FGF13: variants seen among roughly 807,000 people sequenced by gnomAD.
FGF13 encodes the protein fibroblast growth factor 13, also known as fibroblast growth factor homologous factor 2.
A neutral mutation model predicts 19.5 loss-of-function variants in FGF13; 2 were observed. The observed-to-expected ratio is 0.10, with a 90% CI of 0.04 to 0.32. The LOEUF is 0.32. Ranked by LOEUF, FGF13 falls within the 10% of genes least tolerant of loss-of-function variation. The pLI, the probability that FGF13 is intolerant of heterozygous loss-of-function variation, is 1.00. For missense variants in FGF13, 113 were observed against 192.7 expected (o/e 0.59, Z 2.45); for synonymous variants, 72 against 76.9 (o/e 0.94, Z 0.33).
intron 3 of FGF13, among the ~76,000 whole-genome samples, chrX:138,647,094 C>T (rs922064260): frequency 9.1e-6 from 1 of 109,783 alleles, no homozygotes; most frequent in Admixed American, 9.8e-5. Flanking sequence ...GGGTGAAATC[C>T]GATAGGCTGC....
Position 138,984,523 on chromosome X carries a change from G to GAACAAGAAGAAGAAGAAGAA in FGF13, c.-112-119874_-112-119873insTTCTTCTTCTTCTTCTTGTT, listed in dbSNP as rs2091979498. Reference sequence around the variant, plus strand: ...AAGGAGAAGAAGAGGAAGAAGAAGAGGAAGAAGAAGAAGAAGAAGAAGAAG... The same window carrying GAACAAGAAGAAGAAGAAGAA: ...AAGGAGAAGAAGAGGAAGAAGAAGAGAACAAGAAGAAGAAGAAGAAGAAGAAGAAGAAGAAGAAGAAGAAG... On this transcript the variant is annotated intron_variant, in intron 1 of 2. Coordinates refer to the FGF13 transcript ENST00000421460. 1.7e-3 allele frequency among the ~76,000 whole-genome samples: 53 copies of GAACAAGAAGAAGAAGAAGAA among 31,590 alleles called. 12 individuals carry two copies. The highest frequency in any genetic ancestry group is 2.3e-3 in the Non-Finnish European group (41 of 18,152). The allele number at this position is 31,590 out of a possible 115,157, so 27.4% of individuals were successfully genotyped here.
chrX:139,176,502 T>C (rs2084186678), intron 1 of FGF13, among the ~76,000 whole-genome samples: 1 of 110,354 alleles, frequency 9.1e-6, no homozygotes, highest in Non-Finnish European at 1.9e-5. Context: ...CTTTTAATTG[T>C]AATGTTAGGG....
At position 138,618,554 on chromosome X, in the gene FGF13, C is replaced by G. The variant is rs1236852184; in HGVS notation, c.*14296G>C. 1 of 111,791 alleles carries G rather than the reference C, an allele frequency of 8.9e-6. No individual in the cohort carries two copies. The highest frequency in any genetic ancestry group is 1.9e-5 in the Non-Finnish European group (1 of 53,240). The allele number at this position is 111,791 out of a possible 1,213,427, so 9.2% of individuals were successfully genotyped here. A position where few individuals can be genotyped will look rare whatever the true frequency, so the allele number is the denominator to read the frequency against. On this transcript the variant is annotated 3_prime_UTR_variant, in exon 5 of 5. Transcript: ENST00000315930. ...CAGACTCCATCAGGAGGCCCACCCA[C>G]TAGTGGCTTGGGATGCCTGAACTGT...
At chrX:139,167,446 T>C (rs2084095924) in intron 1 of FGF13, among the ~76,000 whole-genome samples, 1 of 112,059 alleles carries the variant, frequency 8.9e-6, no homozygotes, top group Admixed American at 9.5e-5. Context: ...CAACTCACCC[T>C]AGGTAACTTT....
At chrX:138,975,114 C>T (rs1051632387) in intron 1 of FGF13, among the ~76,000 whole-genome samples, 1 of 112,772 alleles carries the variant, frequency 8.9e-6, no homozygotes, top group Non-Finnish European at 1.9e-5. Flanking sequence ...TTCAAGCAGC[C>T]TTGGCTGATT....
intron 1 of FGF13, among the ~76,000 whole-genome samples, chrX:139,149,298 T>C (rs1807500381): frequency 8.9e-6 from 1 of 112,127 alleles, no homozygotes; most frequent in South Asian, 3.7e-4. Flanking sequence ...ATATGTACTA[T>C]TGCAATACAT....
At chrX:138,747,181 A>T (rs143138761) in intron 3 of FGF13, among the ~76,000 whole-genome samples, 87 of 111,864 alleles carry the variant, frequency 7.8e-4, no homozygotes, top group Non-Finnish European at 1.4e-3. Flanking sequence ...AGGAGAAGGC[A>T]GCCCAGCCAA....
At chrX:138,886,779 T>C (rs143337762) in intron 1 of FGF13, among the ~76,000 whole-genome samples, 2,204 of 111,515 alleles carry the variant, frequency 0.02, 46 homozygotes, top group Admixed American at 0.078. Context: ...TTTAATTACT[T>C]GGAAAAAAAA....
intron 1 of FGF13, among the ~76,000 whole-genome samples, chrX:139,053,958 C>T (rs2092311449): frequency 9.1e-6 from 1 of 110,270 alleles, no homozygotes; most frequent in African/African-American, 3.3e-5. Context: ...AATCCAGTTA[C>T]ATTCTCCTAC....
chrX:138,826,668 T>C (rs1274078096), intron 3 of FGF13, among the ~76,000 whole-genome samples: 1 of 112,254 alleles, frequency 8.9e-6, no homozygotes, highest in Non-Finnish European at 1.9e-5. Flanking sequence ...TCTAATAAAA[T>C]GGTTTGATCT....
chrX:139,037,582 C>T (rs1042513445), intron 1 of FGF13, among the ~76,000 whole-genome samples: 3 of 111,597 alleles, frequency 2.7e-5, no homozygotes, highest in Non-Finnish European at 5.7e-5. Flanking sequence ...TCTATTTTCT[C>T]ACCTTTTCCA....
At chrX:138,908,870 A>G (rs1013545199) in intron 1 of FGF13, among the ~76,000 whole-genome samples, 2 of 112,320 alleles carry the variant, frequency 1.8e-5, no homozygotes, top group Non-Finnish European at 1.9e-5. Context: ...ATCTGCCTTC[A>G]GCTGAAGCAA....
chrX:138,656,710 G>A (rs186754156), intron 3 of FGF13, among the ~76,000 whole-genome samples: 37 of 112,066 alleles, frequency 3.3e-4, no homozygotes, highest in Non-Finnish European at 1.3e-4. Context: ...TAGGTTATTA[G>A]CTTAATGCTG....
intron 3 of FGF13, among the ~76,000 whole-genome samples, chrX:138,758,101 AG>A (rs2090442955): frequency 9.0e-6 from 1 of 111,510 alleles, no homozygotes; most frequent in African/African-American, 3.3e-5. Context: ...TGCTCCTCAA[AG>A]TCAAGTTGGA....
In FGF13 at chrX:138,619,490, A is replaced by G. The variant is rs1234891795; in HGVS notation, c.*13360T>C. 4.5e-5 allele frequency: 5 copies of G among 111,679 alleles called. No individual in the cohort carries two copies. Among genetic ancestry groups the G allele is most frequent in the Admixed American group, 2.9e-4 (3 of 10,488 alleles). 9.2% of individuals were successfully genotyped at this position (111,679 alleles called of 1,213,427 possible). A position where few individuals can be genotyped will look rare whatever the true frequency, so the allele number is the denominator to read the frequency against. ...CATGTACCCCAGAACTTCAAGTATAATATAAAAAGAAAGAAAGACAGAAAC... is the reference window on the plus strand; with the variant it reads ...CATGTACCCCAGAACTTCAAGTATAGTATAAAAAGAAAGAAAGACAGAAAC... On this transcript the variant is annotated 3_prime_UTR_variant, in exon 5 of 5. Transcript: ENST00000315930.
intron 1 of FGF13, among the ~76,000 whole-genome samples, chrX:139,112,699 G>A (rs189306119): frequency 1.8e-5 from 2 of 111,969 alleles, no homozygotes; most frequent in African/African-American, 6.5e-5. Context: ...AGAGGGAGAT[G>A]ATAATAATAC....
intron 3 of FGF13, among the ~76,000 whole-genome samples, chrX:138,748,587 T>C (rs1369489766): frequency 8.9e-6 from 1 of 112,283 alleles, no homozygotes; most frequent in Non-Finnish European, 1.9e-5. Context: ...TATTTTGTTA[T>C]GTCAGTACTA....
At chrX:138,800,043 T>G (rs1204439467) in intron 3 of FGF13, among the ~76,000 whole-genome samples, 1 of 112,176 alleles carries the variant, frequency 8.9e-6, no homozygotes, top group Admixed American at 9.5e-5. Context: ...CGAGTCTGTG[T>G]CTGTTAATTG....
chrX:138,686,048 T>C (rs1272952274), intron 3 of FGF13, among the ~76,000 whole-genome samples: 5 of 111,288 alleles, frequency 4.5e-5, no homozygotes, highest in African/African-American at 1.6e-4. Flanking sequence ...ACTATGGCTG[T>C]ACTTAAACTT....
Sources: gnomAD v4.1 joint callset for allele counts (sites outside exome capture counted in the v4.1 genomes callset) on GRCh38, gnomAD v4.1.1 for gene constraint, MANE v1.5 for transcripts, NCBI Gene and HGNC (gene_info 2026-07-23, HGNC 2026-07-21) for gene names.